The following NR2E1 variants were observed in gnomAD, a reference collection of about 807,000 sequenced individuals.
NR2E1 encodes nuclear receptor TLX.
In NR2E1, 5 loss-of-function variants were observed where a neutral mutation model predicts 43.6. That is an observed-to-expected ratio of 0.11 (90% CI 0.06 to 0.24). The LOEUF is 0.24. NR2E1 is among the 10% of genes least tolerant of loss of function. NR2E1 has a pLI of 1.00. For missense variants in NR2E1, 287 were observed against 496.7 expected, an observed-to-expected ratio of 0.58 and a Z score of 4.01; for synonymous variants, 191 against 195.5, an observed-to-expected ratio of 0.98 and a Z score of 0.19.
rs1774104637 is a variant in NR2E1, at chr6:108,188,111, C to G, written c.*648C>G. The G allele has an allele frequency of 6.5e-6, 1 of 152,838 alleles. No individual in the cohort carries two copies. The highest frequency in any genetic ancestry group is 1.5e-5 in the Non-Finnish European group (1 of 68,650). The allele number at this position is 152,838 out of a possible 1,614,324, so 9.5% of individuals were successfully genotyped here. A position where few individuals can be genotyped will look rare whatever the true frequency, so the allele number is the denominator to read the frequency against. On this transcript the variant is annotated 3_prime_UTR_variant, in exon 9 of 9. Coordinates refer to ENST00000368986, the MANE Select transcript of NR2E1 (RefSeq NM_003269.5). Reference sequence around the variant, plus strand: ...TCTTCTTCTTTTTTAATACCATAGGCCAGGCAACCTTGTCAAAGGAATTGA... The same window carrying G: ...TCTTCTTCTTTTTTAATACCATAGGGCAGGCAACCTTGTCAAAGGAATTGA...
intron 5 of NR2E1, among the ~76,000 whole-genome samples, chr6:108,178,600 A>G (rs924471159): frequency 6.6e-6 from 1 of 152,252 alleles, no homozygotes; most frequent in African/African-American, 2.4e-5. Context: ...TACTAAGAAC[A>G]TTGGAACTGA....
chr6:108,171,630 G>A, intron 2 of NR2E1, 27 bp downstream of exon 2: 2 of 1,613,538 alleles, frequency 1.2e-6, no homozygotes, highest in Non-Finnish European at 1.7e-6. Flanking sequence ...TGCACTGCTG[G>A]GCTCCGCTCT....
chr6:108,184,768 T>C (rs923617027), intron 8 of NR2E1, among the ~76,000 whole-genome samples: 18 of 152,156 alleles, frequency 1.2e-4, no homozygotes, highest in African/African-American at 4.3e-4. Flanking sequence ...TTTAGAGAAA[T>C]GGCAAGTAAA....
chr6:108,174,750 C>T (rs945176414), intron 2 of NR2E1, 86 bp from the exon 3 acceptor site: 120 of 1,185,948 alleles, frequency 1.0e-4, no homozygotes, highest in Non-Finnish European at 1.4e-4. Flanking sequence ...GGTCGCGCCT[C>T]CACACCGTTT....
chr6:108,173,148 A>G (rs1228973108), intron 2 of NR2E1, among the ~76,000 whole-genome samples: 1 of 152,230 alleles, frequency 6.6e-6, no homozygotes, highest in Non-Finnish European at 1.5e-5. Flanking sequence ...TCTTCTTGCA[A>G]GGAGAGTAAA....
At position 108,188,230 on chromosome 6, in the gene NR2E1, A is replaced by T. The variant is rs951650756; in HGVS notation, c.*767A>T. ...AAAGAACATAAGTCAAGGGAGGATG[A>T]ATAAAAACAGCAAAACCAAATAAAG... On this transcript the variant is annotated 3_prime_UTR_variant, in exon 9 of 9. Coordinates refer to ENST00000368986, the MANE Select transcript of NR2E1 (RefSeq NM_003269.5). The T allele has an allele frequency of 3.9e-5, 6 of 152,288 alleles. No individual in the cohort carries two copies. Among genetic ancestry groups the T allele is most frequent in the African/African-American group, 1.2e-4 (5 of 41,430 alleles). The allele number at this position is 152,288 out of a possible 1,614,324, so 9.4% of individuals were successfully genotyped here.
chr6:108,170,605 A>T (rs1338215568), intron 1 of NR2E1, among the ~76,000 whole-genome samples: 1 of 151,758 alleles, frequency 6.6e-6, no homozygotes, highest in East Asian at 1.9e-4. Flanking sequence ...TTCTTAATTT[A>T]AAAAAAAATC....
At chr6:108,177,257 G>T (rs1469270595) in intron 4 of NR2E1, among the ~76,000 whole-genome samples, 3 of 152,252 alleles carry the variant, frequency 2.0e-5, no homozygotes, top group Non-Finnish European at 4.4e-5. Context: ...AGATCACACT[G>T]TTAGAACAGT....
rs1170590583 is a variant in NR2E1, at chr6:108,187,502, A to G, written c.*39A>G. ...CCACTTTTCAGGATGGGACAGTATC[A>G]GATGAACTTCAACCCATGGAGAACA... On this transcript the variant is annotated 3_prime_UTR_variant, in exon 9 of 9. Transcript: ENST00000368986. The G allele has an allele frequency of 6.2e-7, 1 of 1,605,908 alleles. No homozygotes were observed. Among genetic ancestry groups the G allele is most frequent in the Non-Finnish European group, 8.5e-7 (1 of 1,173,124 alleles).
At chr6:108,181,746 T>A in intron 8 of NR2E1, 95 bp downstream of exon 8, 2 of 912,670 alleles carry the variant, frequency 2.2e-6, no homozygotes, top group Non-Finnish European at 3.6e-6. Flanking sequence ...ACATTGTGAC[T>A]AATTATCTTG....
rs1472247615 is a variant in NR2E1, at chr6:108,166,492, C to G, written c.-274C>G. The G allele has an allele frequency of 2.3e-6, 1 of 426,434 alleles. No individual in the cohort carries two copies. Among genetic ancestry groups the G allele is most frequent in the Non-Finnish European group, 4.1e-6 (1 of 245,038 alleles). 26.4% of individuals were successfully genotyped at this position (426,434 alleles called of 1,614,324 possible). A position where few individuals can be genotyped will look rare whatever the true frequency, so the allele number is the denominator to read the frequency against. On this transcript the variant is annotated 5_prime_UTR_variant, in exon 1 of 9. Coordinates refer to ENST00000368986, the MANE Select transcript of NR2E1 (RefSeq NM_003269.5). The surrounding 1 kb of genome is among the most constrained non-coding windows in gnomAD (Gnocchi z 7.2). Reference sequence around the variant, plus strand: ...TCTTCCTGTCCATCTCTCCATCTGTCTGTCCATGTGTGTGTCCATATCAAG... The same window carrying G: ...TCTTCCTGTCCATCTCTCCATCTGTGTGTCCATGTGTGTGTCCATATCAAG...
rs1582444667 is a variant in NR2E1 at position 108,175,045 on chromosome 6, G to T, written c.259+122G>T. ...CGGAGCGCTTCTTTCCAGATGCTGG[G>T]AATTGGCCTCGGGCTTTCAGTCGTA... On this transcript the variant is annotated intron_variant, in intron 3 of 8. Transcript: ENST00000368986. 8 of 917,172 alleles carry T rather than the reference G, an allele frequency of 8.7e-6. No individual in the cohort carries two copies. The South Asian group carries it at 9.8e-5, about 11-fold the overall frequency. The allele number at this position is 917,172 out of a possible 1,614,324, so 56.8% of individuals were successfully genotyped here.
Position 108,166,458 on chromosome 6 carries a change from C to A in NR2E1, c.-308C>A. The A allele has an allele frequency of 2.7e-6, 1 of 373,168 alleles. No homozygotes were observed. Among genetic ancestry groups the A allele is most frequent in the Non-Finnish European group, 4.7e-6 (1 of 211,512 alleles). 23.1% of individuals were successfully genotyped at this position (373,168 alleles called of 1,614,324 possible). A position where few individuals can be genotyped will look rare whatever the true frequency, so the allele number is the denominator to read the frequency against. ...CATCCCTCTCTTGCTGTTCTTCCTT[C>A]TTCCTCAGTCTTCCTGTCCATCTCT... On this transcript the variant is annotated 5_prime_UTR_variant, in exon 1 of 9. Coordinates refer to ENST00000368986, the MANE Select transcript of NR2E1 (RefSeq NM_003269.5). The surrounding 1 kb of genome is among the most constrained non-coding windows in gnomAD (Gnocchi z 7.2).
At position 108,166,854 on chromosome 6, in the gene NR2E1, C is replaced by T; in HGVS notation, c.25+64C>T. 1 of 1,504,948 alleles carries T rather than the reference C, an allele frequency of 6.6e-7. No homozygotes were observed. Among genetic ancestry groups the T allele is most frequent in the Non-Finnish European group, 9.0e-7 (1 of 1,107,206 alleles). The allele number at this position is 1,504,948 out of a possible 1,614,324, so 93.2% of individuals were successfully genotyped here. ...AGCCTGGGGCGAGCGAGCGGGGAGG[C>T]TGGGGGAGGTCCTGCCTGGAGCGCT... On this transcript the variant is annotated intron_variant, in intron 1 of 8. Transcript: ENST00000368986. This position sits in a 1 kb window ranked among gnomAD's most constrained non-coding sequence, Gnocchi z 7.2.
chr6:108,176,876 G>A, intron 4 of NR2E1, 138 bp downstream of exon 4: 3 of 786,008 alleles, frequency 3.8e-6, no homozygotes, highest in Non-Finnish European at 6.0e-6. Context: ...TCTGCATGGA[G>A]CTCCAGCCCT....
chr6:108,181,992 C>T (rs1001815112), intron 8 of NR2E1, among the ~76,000 whole-genome samples: 1 of 152,148 alleles, frequency 6.6e-6, no homozygotes, highest in Non-Finnish European at 1.5e-5. Flanking sequence ...AATCCCAGCA[C>T]TTTGGGAGGC....
rs896213767 is a variant in NR2E1, at chr6:108,167,905, A to T, written c.25+1115A>T. On this transcript the variant is annotated intron_variant, in intron 1 of 8. Coordinates refer to ENST00000368986, the MANE Select transcript of NR2E1 (RefSeq NM_003269.5). The stretch of plus-strand genomic sequence containing the variant: ...GGTAATGAAGTCTCACTTAAGTGGG[A>T]TGCAATTCCCGCCCTCCTACCCCCC... 2.2e-5 allele frequency: 22 copies of T among 991,160 alleles called. No individual in the cohort carries two copies. The Admixed American group carries it at 6.0e-4, about 27-fold the overall frequency. The allele number at this position is 991,160 out of a possible 1,614,324, so 61.4% of individuals were successfully genotyped here. A position where few individuals can be genotyped will look rare whatever the true frequency, so the allele number is the denominator to read the frequency against.
At chr6:108,167,227 G>T (rs1773724969) in intron 1 of NR2E1, among the ~76,000 whole-genome samples, 1 of 152,146 alleles carries the variant, frequency 6.6e-6, no homozygotes, top group Admixed American at 6.5e-5. Context: ...TTTGCACCCC[G>T]TTTCTAGCTA....
intron 1 of NR2E1, among the ~76,000 whole-genome samples, chr6:108,168,348 G>T (rs1397362246): frequency 3.3e-5 from 5 of 152,364 alleles, no homozygotes; most frequent in South Asian, 4.1e-4. Flanking sequence ...GAAGTAAGGA[G>T]CCCCGGGCTC....
Sources: gnomAD v4.1 joint callset for allele counts (sites outside exome capture counted in the v4.1 genomes callset) on GRCh38, gnomAD v4.1.1 for gene constraint, Gnocchi (gnomAD v3.1) non-coding constraint, MANE v1.5 for transcripts, NCBI Gene and HGNC (gene_info 2026-07-23, HGNC 2026-07-21) for gene names.